CCDC102B: variants seen among roughly 807,000 people sequenced by gnomAD.
The protein encoded by CCDC102B is coiled-coil domain containing 102B, also known as coiled-coil domain-containing protein 102B.
CCDC102B carries 75 observed loss-of-function variants against 57.4 expected under a neutral mutation model. The observed-to-expected ratio is 1.31, with a 90% CI of 1.08 to 1.58. The LOEUF (loss-of-function observed/expected upper bound fraction) is 1.58, where lower values mean the gene tolerates loss of function less well. CCDC102B is among the 40% of genes most tolerant of loss of function. The probability of loss-of-function intolerance (pLI) is 0.00; values close to 1 mark genes in which losing one functional copy is unlikely to be tolerated. For missense variants in CCDC102B, 636 were observed against 582.6 expected (o/e 1.09, Z -0.94); for synonymous variants, 206 against 201.9 (o/e 1.02, Z -0.17).
intron 7 of CCDC102B, among the ~76,000 whole-genome samples, chr18:69,029,485 G>A (rs573400219): frequency 1.0e-5 from 1 of 99,274 alleles, no homozygotes; most frequent in South Asian, 4.7e-4. Flanking sequence ...TCAGGCATGT[G>A]TCAGACATGT....
rs368594304 is a variant in CCDC102B, at chr18:68,716,999, C to T, written c.-67+405C>T. On this transcript the variant is annotated intron_variant, in intron 2 of 3. Coordinates refer to the CCDC102B transcript ENST00000578970. ...AGGCTGAGGCAGGAGAATGCATGAA[C>T]CCAAGAGGCCGAGCTTGCAGTGAGT... Among the ~76,000 whole-genome samples the T allele has an allele frequency of 3.1e-4, 47 of 151,646 alleles. No individual in the cohort carries two copies. The East Asian group carries it at 4.3e-3, about 14-fold the overall frequency.
chr18:69,035,762 C>A (rs1380570030), intron 7 of CCDC102B, among the ~76,000 whole-genome samples: 1 of 151,966 alleles, frequency 6.6e-6, no homozygotes, highest in Non-Finnish European at 1.5e-5. Flanking sequence ...AATATCTGGG[C>A]AAAATTTACT....
At chr18:68,828,864 T>G (rs2037025061) in intron 1 of CCDC102B, among the ~76,000 whole-genome samples, 1 of 151,820 alleles carries the variant, frequency 6.6e-6, no homozygotes, top group African/African-American at 2.4e-5. Context: ...AGTTAAATAC[T>G]GTTATAATTT....
At chr18:68,857,104 ATT>A (rs2038435909) in intron 4 of CCDC102B, among the ~76,000 whole-genome samples, 1 of 95,976 alleles carries the variant, frequency 1.0e-5, no homozygotes, top group East Asian at 3.4e-4. Flanking sequence ...ATTTTTATAT[ATT>A]ATATATAAAT....
chr18:68,885,712 A>G (rs1015813730), intron 5 of CCDC102B, among the ~76,000 whole-genome samples: 3 of 152,068 alleles, frequency 2.0e-5, no homozygotes, highest in Non-Finnish European at 4.4e-5. Flanking sequence ...TCCAAAAATT[A>G]TCAACTTCTG....
At chr18:68,877,289 G>A (rs1047205376) in intron 5 of CCDC102B, among the ~76,000 whole-genome samples, 1 of 152,152 alleles carries the variant, frequency 6.6e-6, no homozygotes, top group African/African-American at 2.4e-5. Flanking sequence ...GTAAATATTA[G>A]CTTGTCTTAG....
intron 6 of CCDC102B, among the ~76,000 whole-genome samples, chr18:68,905,824 A>C (rs1321252612): frequency 3.1e-4 from 33 of 107,848 alleles, no homozygotes; most frequent in Middle Eastern, 0.011. Flanking sequence ...GACAGAGTCT[A>C]GCTCTGTCAC....
At chr18:68,971,496 G>A (rs562274224) in intron 6 of CCDC102B, among the ~76,000 whole-genome samples, 1 of 152,212 alleles carries the variant, frequency 6.6e-6, no homozygotes, top group South Asian at 2.1e-4. Flanking sequence ...ATCACTTGCT[G>A]TATTCATAGA....
chr18:69,052,066 G>T (rs1289908177), intron 7 of CCDC102B, among the ~76,000 whole-genome samples: 2 of 149,458 alleles, frequency 1.3e-5, no homozygotes, highest in East Asian at 2.0e-4. Context: ...AAAAAAAAAT[G>T]ATAAACCTGC....
intron 4 of CCDC102B, among the ~76,000 whole-genome samples, chr18:68,869,904 G>A (rs1015064247): frequency 1.1e-4 from 16 of 152,100 alleles, no homozygotes; most frequent in African/African-American, 3.9e-4. Flanking sequence ...CTTGTGTAAG[G>A]TGTAAGGAAA....
chr18:68,904,246 T>C (rs2040549125), intron 6 of CCDC102B, among the ~76,000 whole-genome samples: 1 of 152,128 alleles, frequency 6.6e-6, no homozygotes, highest in Non-Finnish European at 1.5e-5. Flanking sequence ...TAATAAAAAT[T>C]TACGTTATTA....
intron 5 of CCDC102B, among the ~76,000 whole-genome samples, chr18:68,880,151 G>A (rs895304255): frequency 3.3e-5 from 5 of 152,236 alleles, no homozygotes; most frequent in Non-Finnish European, 7.3e-5. Context: ...GCCCAAGGCA[G>A]CTAAGGCCCG....
chr18:68,902,167 C>T (rs1305713607), intron 6 of CCDC102B: 1 of 152,322 alleles, frequency 6.6e-6, no homozygotes, highest in East Asian at 1.9e-4. Flanking sequence ...TCTTTGATTA[C>T]ATGTTTCCAC....
chr18:69,029,522 A>G (rs2052082619), intron 7 of CCDC102B, among the ~76,000 whole-genome samples: 1 of 152,172 alleles, frequency 6.6e-6, no homozygotes, highest in Admixed American at 6.5e-5. Context: ...CAGCGTCAAG[A>G]GATGTTTAGC....
intron 6 of CCDC102B, among the ~76,000 whole-genome samples, chr18:68,948,206 A>T (rs1027623611): frequency 2.0e-4 from 31 of 152,134 alleles, no homozygotes; most frequent in African/African-American, 7.5e-4. Context: ...TTTCTATGAT[A>T]ACAATTATGA....
intron 6 of CCDC102B, among the ~76,000 whole-genome samples, chr18:68,939,074 A>G (rs1305341582): frequency 6.6e-6 from 1 of 151,856 alleles, no homozygotes; most frequent in Non-Finnish European, 1.5e-5. Context: ...ATTGTGATGT[A>G]GAAAATAAGA....
At chr18:68,782,868 T>G (rs957325105) in intron 2 of CCDC102B, among the ~76,000 whole-genome samples, 1 of 152,208 alleles carries the variant, frequency 6.6e-6, no homozygotes, top group Admixed American at 6.5e-5. Flanking sequence ...GACTGATTAA[T>G]CAGCACCAAA....
chr18:68,842,385 T>G lies in CCDC102B; in HGVS notation c.827+3459T>G, dbSNP rs140142851. The stretch of plus-strand genomic sequence containing the variant: ...TGGAATATTCAATAAACCTTTACCA[T>G]TTTTTGACTCTCCAGTGTCTATTTT... On this transcript the variant is annotated intron_variant, in intron 3 of 7. Transcript: ENST00000360242. 2.0e-5 allele frequency among the ~76,000 whole-genome samples: 3 copies of G among 152,246 alleles called. No homozygotes were observed. The East Asian group carries it at 5.8e-4, about 29-fold the overall frequency.
intron 2 of CCDC102B, among the ~76,000 whole-genome samples, chr18:68,788,630 T>C (rs935654741): frequency 2.7e-5 from 4 of 149,588 alleles, no homozygotes; most frequent in African/African-American, 1.0e-4. Context: ...AAGTCTGTTT[T>C]ATCAGAGACT....
Sources: gnomAD v4.1 joint callset for allele counts (sites outside exome capture counted in the v4.1 genomes callset) on GRCh38, gnomAD v4.1.1 for gene constraint, MANE v1.5 for transcripts, NCBI Gene and HGNC (gene_info 2026-07-23, HGNC 2026-07-21) for gene names.